The following RPTOR variants were observed in gnomAD, a reference collection of about 807,000 sequenced individuals.
RPTOR encodes regulatory-associated protein of mTOR.
In RPTOR, 21 loss-of-function variants were observed where a neutral mutation model predicts 169.9. The ratio of observed to expected loss-of-function variants is 0.12; its 90% CI spans 0.09 to 0.18. The LOEUF is 0.18. Ranked by LOEUF, RPTOR falls within the 10% of genes least tolerant of loss-of-function variation. The probability of loss-of-function intolerance (pLI) is 1.00; values close to 1 mark genes in which losing one functional copy is unlikely to be tolerated. For missense variants in RPTOR, 1,133 were observed against 1,855.9 expected (o/e 0.61, Z 7.16); for synonymous variants, 732 against 753.2 (o/e 0.97, Z 0.46).
intron 1 of RPTOR, among the ~76,000 whole-genome samples, chr17:80,578,787 G>A (rs1030830094): frequency 2.1e-4 from 32 of 152,332 alleles, no homozygotes; most frequent in African/African-American, 7.0e-4. Flanking sequence ...TTGGGCCACT[G>A]AGGTAGGGAC....
intron 24 of RPTOR, among the ~76,000 whole-genome samples, chr17:80,935,255 A>C (rs1237228285): frequency 2.0e-5 from 3 of 152,238 alleles, no homozygotes; most frequent in Admixed American, 2.0e-4. Context: ...TAGAAGACTC[A>C]ATAATATTAA....
chr17:80,658,089 C>T (rs2065693470), intron 3 of RPTOR, among the ~76,000 whole-genome samples: 1 of 152,180 alleles, frequency 6.6e-6, no homozygotes, highest in Non-Finnish European at 1.5e-5. Flanking sequence ...AACCCTCCTA[C>T]CCACCCCCCT....
chr17:80,926,063 G>A (rs2068808322), intron 24 of RPTOR, among the ~76,000 whole-genome samples: 1 of 152,170 alleles, frequency 6.6e-6, no homozygotes, highest in Admixed American at 6.5e-5. Flanking sequence ...GGGACTCGTG[G>A]AGATTTTCTA....
chr17:80,964,434 C>A lies in RPTOR; in HGVS notation c.*104C>A. The A allele has an allele frequency of 8.7e-7, 1 of 1,147,228 alleles. No homozygotes were observed. The highest frequency in any genetic ancestry group is 1.2e-5 in the South Asian group (1 of 80,334). 71.1% of individuals were successfully genotyped at this position (1,147,228 alleles called of 1,614,324 possible). The stretch of plus-strand genomic sequence containing the variant: ...GGCTGCTGCGGCCCCGCAGTGTGAA[C>A]GTTGGCTGCTGCCTTAGCTGCTGAT... On this transcript the variant is annotated 3_prime_UTR_variant, in exon 34 of 34. Coordinates refer to ENST00000306801, the MANE Select transcript of RPTOR (RefSeq NM_020761.3).
chr17:80,733,552 C>T (rs1021443508), intron 5 of RPTOR, among the ~76,000 whole-genome samples: 2 of 152,180 alleles, frequency 1.3e-5, no homozygotes, highest in Non-Finnish European at 2.9e-5. Flanking sequence ...CATGCTGAGA[C>T]CACTGCTTCT....
intron 1 of RPTOR, among the ~76,000 whole-genome samples, chr17:80,614,574 TTCTC>T (rs1414997022): frequency 6.6e-6 from 1 of 152,188 alleles, no homozygotes; most frequent in Non-Finnish European, 1.5e-5. Context: ...TGTTACGTGT[TTCTC>T]TCAACTTCAT....
intron 7 of RPTOR, among the ~76,000 whole-genome samples, chr17:80,797,505 A>G (rs2067112852): frequency 6.6e-6 from 1 of 152,224 alleles, no homozygotes; most frequent in Admixed American, 6.5e-5. Context: ...TAAATAAGTG[A>G]TCTTGTTAAT....
intron 1 of RPTOR, among the ~76,000 whole-genome samples, chr17:80,604,970 A>T (rs1336619180): frequency 6.7e-6 from 1 of 149,754 alleles, no homozygotes; most frequent in Admixed American, 6.7e-5. Context: ...TATGTTGCCC[A>T]GCTGGTCTTT....
chr17:80,957,667 C>T lies in RPTOR; in HGVS notation c.3414C>T (p.Leu1138=). Residue 1138 remains leucine, a synonymous_variant, in exon 29 of 34, where the codon CTC becomes CTT. Transcript: ENST00000306801. The surrounding 1 kb of genome is among the most constrained non-coding windows in gnomAD (Gnocchi z 4.6). The stretch of plus-strand genomic sequence containing the variant: ...ACTGGGAGCAGGAGACCGGCCTCCT[C>T]ATGAGCTCAGGAGACGTGCGGATCG... ...VVDWEQETGL[L]MSSGDVRIVR... 6.2e-7 allele frequency: 1 copy of T among 1,614,178 alleles called. No individual in the cohort carries two copies. The highest frequency in any genetic ancestry group is 8.5e-7 in the Non-Finnish European group (1 of 1,180,044).
chr17:80,588,238 C>A (rs550922840), intron 1 of RPTOR, among the ~76,000 whole-genome samples: 2 of 151,376 alleles, frequency 1.3e-5, no homozygotes, highest in African/African-American at 4.9e-5. Context: ...TCTCGGCTCA[C>A]TGCAACCTCC....
intron 1 of RPTOR, among the ~76,000 whole-genome samples, chr17:80,551,516 C>T (rs1240316454): frequency 6.6e-6 from 1 of 152,128 alleles, no homozygotes; most frequent in African/African-American, 2.4e-5. Flanking sequence ...AAGTGCTGTG[C>T]TTTTAGATAT....
At chr17:80,822,938 CGT>C (rs1264327017) in intron 8 of RPTOR, 139 bp from the exon 9 acceptor site, 1,471 of 817,932 alleles carry the variant, frequency 1.8e-3, no homozygotes, top group Admixed American at 2.4e-3. Flanking sequence ...TGTGTTTAAG[CGT>C]GTGTGTGTGT....
At chr17:80,574,827 A>ATTTTTTTTT (rs555426915) in intron 1 of RPTOR, among the ~76,000 whole-genome samples, 168 of 121,340 alleles carry the variant, frequency 1.4e-3, no homozygotes, top group East Asian at 3.5e-3. Flanking sequence ...AGCTTATTTA[A>ATTTTTTTTT]TTTTTTTTTT....
intron 3 of RPTOR, among the ~76,000 whole-genome samples, chr17:80,692,467 A>G (rs34318490): frequency 0.18 from 26,694 of 152,084 alleles, 3,744 homozygotes; most frequent in African/African-American, 0.39. Flanking sequence ...GATTACAGGC[A>G]CATGCCACCA....
intron 21 of RPTOR, among the ~76,000 whole-genome samples, chr17:80,913,238 G>C (rs2068633367): frequency 6.6e-6 from 1 of 152,106 alleles, no homozygotes; most frequent in Non-Finnish European, 1.5e-5. Flanking sequence ...TTGTTCATCA[G>C]AGTCTAAAAC....
chr17:80,597,755 C>T (rs1010945736), intron 1 of RPTOR, among the ~76,000 whole-genome samples: 1 of 152,088 alleles, frequency 6.6e-6, no homozygotes. Flanking sequence ...TTTAAGCCAT[C>T]TGCCTGCCTT....
chr17:80,555,640 A>G (rs1299404963), intron 1 of RPTOR, among the ~76,000 whole-genome samples: 5 of 152,268 alleles, frequency 3.3e-5, no homozygotes, highest in African/African-American at 1.2e-4. Context: ...TAGTAATTAC[A>G]GGTGAGAATG....
chr17:80,646,948 C>T lies in RPTOR; in HGVS notation c.348+3138C>T, dbSNP rs901461726. ...TGCAGAAAGCCAACCCCGGAACCCC[C>T]GTCGGCTGCACCAGAATGGTGTCTG... On this transcript the variant is annotated intron_variant, in intron 3 of 33. Coordinates refer to ENST00000306801, the MANE Select transcript of RPTOR (RefSeq NM_020761.3). This position sits in a 1 kb window ranked among gnomAD's most constrained non-coding sequence, Gnocchi z 5.0. Among the ~76,000 whole-genome samples, 9 of 152,338 alleles carry T rather than the reference C, an allele frequency of 5.9e-5. No homozygotes were observed. In the East Asian group the frequency reaches 7.7e-4, roughly 13 times the overall value.
chr17:80,892,686 A>G (rs763840321), intron 18 of RPTOR, 43 bp from the exon 19 acceptor site: 11 of 1,600,594 alleles, frequency 6.9e-6, no homozygotes, highest in Non-Finnish European at 9.4e-6. Context: ...GCTGGCCTCC[A>G]CCTGGAAGCC....
Sources: allele counts gnomAD v4.1 joint callset (sites outside exome capture counted in the v4.1 genomes callset), GRCh38; gene constraint gnomAD v4.1.1; non-coding constraint Gnocchi (gnomAD v3.1); transcripts MANE v1.5; gene names NCBI Gene and HGNC (gene_info 2026-07-23, HGNC 2026-07-21).